The following SNTA1 variants were observed in gnomAD, a reference collection of about 807,000 sequenced individuals.
SNTA1 encodes the protein syntrophin alpha 1.
In SNTA1, 31 loss-of-function variants were observed where a neutral mutation model predicts 47.1. That is an observed-to-expected ratio of 0.66 (90% confidence interval 0.49 to 0.89). SNTA1 has a LOEUF of 0.89. Ranked by LOEUF, SNTA1 falls within the 40% of genes least tolerant of loss-of-function variation. The pLI is 0.00. For synonymous variants in SNTA1, 300 were observed against 313.6 expected (o/e 0.96, Z 0.46); for missense variants, 575 against 693.0 (o/e 0.83, Z 1.91).
intron 6 of SNTA1, 94 bp downstream of exon 6, chr20:33,410,040 TC>T: frequency 7.7e-7 from 1 of 1,306,058 alleles, no homozygotes; most frequent in Non-Finnish European, 1.1e-6. Context: ...CCATTTTCTA[TC>T]CCCTCCTGAA....
Position 33,419,198 on chromosome 20 carries a change from T to C in SNTA1, c.497-1275A>G, listed in dbSNP as rs1180151592. Among the ~76,000 whole-genome samples the C allele has an allele frequency of 2.0e-5, 3 of 152,064 alleles. No individual in the cohort carries two copies. In the East Asian group the frequency reaches 5.8e-4, roughly 29 times the overall value. ...TGGGTGCCTGATGCCTGCTAGCCCGTGGGCAGCCTCTCTTCCTCTGCTCTC... is the reference window on the plus strand; with the variant it reads ...TGGGTGCCTGATGCCTGCTAGCCCGCGGGCAGCCTCTCTTCCTCTGCTCTC... On this transcript the variant is annotated intron_variant, in intron 2 of 7. Transcript: ENST00000217381.
At position 33,438,760 on chromosome 20, in the gene SNTA1, C is replaced by A. The variant is rs150532233; in HGVS notation, c.496+81G>T. 6.3e-3 allele frequency: 7,473 copies of A among 1,192,288 alleles called. 36 individuals carry two copies. The highest frequency in any genetic ancestry group is 7.7e-3 in the Non-Finnish European group (6,127 of 798,140). The allele number at this position is 1,192,288 out of a possible 1,614,324, so 73.9% of individuals were successfully genotyped here. The stretch of plus-strand genomic sequence containing the variant: ...CCCAGCCCCCAGTGCTGGGATGGGG[C>A]CTTCTGAGGCCTGGGGGAGGTAGAG... On this transcript the variant is annotated intron_variant, in intron 2 of 7. Coordinates refer to ENST00000217381, the MANE Select transcript of SNTA1 (RefSeq NM_003098.3).
chr20:33,440,006 T>A (rs1990540539), intron 1 of SNTA1, among the ~76,000 whole-genome samples: 1 of 152,090 alleles, frequency 6.6e-6, no homozygotes, highest in African/African-American at 2.4e-5. Flanking sequence ...ATGCCTGTAA[T>A]CCCAGCTACT....
chr20:33,432,298 G>C (rs1175312149), intron 2 of SNTA1, among the ~76,000 whole-genome samples: 2 of 152,228 alleles, frequency 1.3e-5, no homozygotes, highest in Non-Finnish European at 2.9e-5. Flanking sequence ...CCTGGGAAGA[G>C]CCAGTAGGGA....
At chr20:33,426,941 T>A (rs1259627367) in intron 2 of SNTA1, among the ~76,000 whole-genome samples, 1 of 151,280 alleles carries the variant, frequency 6.6e-6, no homozygotes, top group Non-Finnish European at 1.5e-5. Context: ...TGCACACCTA[T>A]AATCCCAGCT....
intron 3 of SNTA1, among the ~76,000 whole-genome samples, chr20:33,416,288 G>A (rs1989872851): frequency 6.6e-6 from 1 of 152,196 alleles, no homozygotes; most frequent in African/African-American, 2.4e-5. Flanking sequence ...AACCTAGGCT[G>A]TCACTAGGAC....
intron 2 of SNTA1, among the ~76,000 whole-genome samples, chr20:33,426,958 G>A (rs1255672616): frequency 6.6e-6 from 1 of 151,524 alleles, no homozygotes; most frequent in Non-Finnish European, 1.5e-5. Context: ...AGCTACTCAG[G>A]AGGCTGAGGT....
intron 2 of SNTA1, among the ~76,000 whole-genome samples, chr20:33,431,028 C>G (rs1021132484): frequency 1.3e-5 from 2 of 151,648 alleles, no homozygotes; most frequent in African/African-American, 4.8e-5. Context: ...GAGGCTGAGG[C>G]AGGAGAATCA....
At chr20:33,418,002 G>C in intron 2 of SNTA1, 79 bp from the exon 3 acceptor site, 1 of 974,316 alleles carries the variant, frequency 1.0e-6, no homozygotes, top group Middle Eastern at 2.1e-4. Flanking sequence ...AATTTATTAA[G>C]AGTTTAATTT....
intron 2 of SNTA1, among the ~76,000 whole-genome samples, chr20:33,438,345 A>T (rs1279396769): frequency 2.0e-5 from 3 of 152,092 alleles, no homozygotes; most frequent in Admixed American, 2.0e-4. Flanking sequence ...CTCCCAAAGG[A>T]GGATGGGTCT....
Position 33,412,670 on chromosome 20 carries a change from T to C in SNTA1, c.814A>G (p.Thr272Ala). 1 of 1,613,900 alleles carries C rather than the reference T, an allele frequency of 6.2e-7. No homozygotes were observed. Reference protein sequence around the residue: ...TAIQAQVNTLTPRVKDELQAL... With the variant: ...TAIQAQVNTLAPRVKDELQAL... ...TGCAGCTCATCCTTGACCCGCGGCG[T>C]CAGAGTATTGACCTGGGCTTGGATG... The change falls in exon 4 of 8, where the codon ACG (threonine) becomes GCG (alanine). Residue 272 changes from threonine to alanine, a missense_variant. Physicochemically the swap from Thr to Ala is moderately conservative, Grantham distance 58. Transcript: ENST00000217381.
chr20:33,442,476 C>A (rs778975923), intron 1 of SNTA1, among the ~76,000 whole-genome samples: 2 of 152,134 alleles, frequency 1.3e-5, no homozygotes, highest in Non-Finnish European at 2.9e-5. Context: ...TATCTGCTGG[C>A]CTCCATTTTT....
At chr20:33,416,309 A>G (rs185642193) in intron 3 of SNTA1, among the ~76,000 whole-genome samples, 4 of 152,322 alleles carry the variant, frequency 2.6e-5, no homozygotes, top group Admixed American at 2.6e-4. Context: ...CCACAGCCCA[A>G]GCTTGTAATG....
intron 2 of SNTA1, among the ~76,000 whole-genome samples, chr20:33,427,062 CA>C (rs914615779): frequency 0.035 from 2,141 of 61,064 alleles, 25 homozygotes; most frequent in African/African-American, 0.09. Context: ...AACCCTGTCT[CA>C]AAAAAAAAAA....
chr20:33,414,661 A>T (rs1223321031), intron 3 of SNTA1, among the ~76,000 whole-genome samples: 1 of 152,200 alleles, frequency 6.6e-6, no homozygotes, highest in African/African-American at 2.4e-5. Context: ...TGATACAGCA[A>T]CAGATAGCCA....
chr20:33,412,613 T>G lies in SNTA1; in HGVS notation c.871A>C (p.Ser291Arg), dbSNP rs1430067140. Reference sequence around the variant, plus strand: ...CAGCCAATCTGCTTGATGTCCTGGCTCCCAGCTGTGCTGGTGGCTGCCAAC... The same window carrying G: ...CAGCCAATCTGCTTGATGTCCTGGCGCCCAGCTGTGCTGGTGGCTGCCAAC... ...ALLAATSTAG[S>R]QDIKQIGWLT... is the part of the protein sequence containing the mutation. Residue 291 changes from serine to arginine, a missense_variant, in exon 4 of 8, where the codon AGC (serine) becomes CGC (arginine). Transcript: ENST00000217381. The G allele has an allele frequency of 1.2e-6, 2 of 1,613,894 alleles. No individual in the cohort carries two copies. Among genetic ancestry groups the G allele is most frequent in the Admixed American group, 1.7e-5 (1 of 60,018 alleles).
At chr20:33,435,121 G>A (rs1487431588) in intron 2 of SNTA1, among the ~76,000 whole-genome samples, 2 of 150,508 alleles carry the variant, frequency 1.3e-5, no homozygotes, top group Non-Finnish European at 2.9e-5. Context: ...CTCCTGAGTA[G>A]CTGGGATTAC....
chr20:33,432,062 G>C (rs937861503), intron 2 of SNTA1, among the ~76,000 whole-genome samples: 1 of 152,152 alleles, frequency 6.6e-6, no homozygotes, highest in African/African-American at 2.4e-5. Context: ...TGAGAACAAT[G>C]GTCAGAACAA....
chr20:33,419,675 T>C (rs1476248776), intron 2 of SNTA1, among the ~76,000 whole-genome samples: 4 of 152,150 alleles, frequency 2.6e-5, no homozygotes, highest in African/African-American at 9.7e-5. Flanking sequence ...CCCCTCTTTT[T>C]CCTTTGCTAA....
Sources: allele counts gnomAD v4.1 joint callset (sites outside exome capture counted in the v4.1 genomes callset), GRCh38; gene constraint gnomAD v4.1.1; transcripts MANE v1.5; gene names NCBI Gene and HGNC (gene_info 2026-07-23, HGNC 2026-07-21).